CRADD: variants seen among roughly 807,000 people sequenced by gnomAD.
CRADD encodes the protein death domain-containing protein CRADD.
A neutral mutation model predicts 15.5 loss-of-function variants in CRADD; 9 were observed. The observed-to-expected ratio is 0.58, with a 90% CI of 0.35 to 1.01. The LOEUF (loss-of-function observed/expected upper bound fraction) is 1.01. Among genes scored for constraint, CRADD ranks in the 50% least tolerant of loss-of-function variants. The pLI, the probability that CRADD is intolerant of heterozygous loss-of-function variation, is 0.02. For synonymous variants in CRADD, 118 were observed against 107.6 expected (o/e 1.10, Z -0.60); for missense variants, 227 against 250.3 (o/e 0.91, Z 0.63).
chr12:93,884,891 A>T (rs752399967), intron 2 of CRADD, among the ~76,000 whole-genome samples: 1 of 152,198 alleles, frequency 6.6e-6, no homozygotes, highest in African/African-American at 2.4e-5. Context: ...ACCCGAATGC[A>T]TAGAGTGGGA....
intron 2 of CRADD, among the ~76,000 whole-genome samples, chr12:93,811,056 C>A (rs549181956): frequency 6.4e-4 from 98 of 152,274 alleles, no homozygotes; most frequent in African/African-American, 2.2e-3. Flanking sequence ...CTTAGCCCCC[C>A]CTCCTGGAAC....
Position 93,824,390 on chromosome 12 carries a change from T to G in CRADD, c.299-25580T>G, listed in dbSNP as rs368489667. Among the ~76,000 whole-genome samples the G allele has an allele frequency of 6.8e-6, 1 of 147,918 alleles. No individual in the cohort carries two copies. The highest frequency in any genetic ancestry group is 2.5e-5 in the African/African-American group (1 of 39,746). Reference sequence around the variant, plus strand: ...CCATAAAAGCTGCTTCTGTGCTCTTTGGAAAACACACACACACTCATACAC... The same window carrying G: ...CCATAAAAGCTGCTTCTGTGCTCTTGGGAAAACACACACACACTCATACAC... On this transcript the variant is annotated intron_variant, in intron 2 of 2. Transcript: ENST00000332896. The surrounding 1 kb of genome is among the most constrained non-coding windows in gnomAD (Gnocchi z 4.3).
chr12:93,770,376 C>T lies in CRADD; in HGVS notation c.299-79594C>T, dbSNP rs561377829. 3.3e-5 allele frequency among the ~76,000 whole-genome samples: 5 copies of T among 152,234 alleles called. No individual in the cohort carries two copies. In the East Asian group the frequency reaches 9.7e-4, roughly 29 times the overall value. ...CCTCCCAAAGTGCTGGGATTACAAG[C>T]GTGAGCCACCGCGCCCGGCCCCCTC... On this transcript the variant is annotated intron_variant, in intron 2 of 2. Coordinates refer to ENST00000332896, the MANE Select transcript of CRADD (RefSeq NM_003805.5).
At chr12:93,823,546 TTC>T (rs1957791883) in intron 2 of CRADD, among the ~76,000 whole-genome samples, 1 of 152,252 alleles carries the variant, frequency 6.6e-6, no homozygotes, top group Admixed American at 6.5e-5. Flanking sequence ...TGTTTTCTTT[TTC>T]TTTTAAGAAT....
chr12:93,798,783 G>A (rs1220214006), intron 2 of CRADD, among the ~76,000 whole-genome samples: 3 of 152,216 alleles, frequency 2.0e-5, no homozygotes, highest in Admixed American at 6.5e-5. Flanking sequence ...CCCTCCAGAT[G>A]TGCCTCTACT....
intron 2 of CRADD, among the ~76,000 whole-genome samples, chr12:93,882,541 A>C (rs117318127): frequency 1.3e-5 from 2 of 152,078 alleles, no homozygotes; most frequent in Admixed American, 1.3e-4. Flanking sequence ...AAATTTGTAT[A>C]TAAAAGATTT....
chr12:93,842,154 T>C (rs1384802573), intron 2 of CRADD, among the ~76,000 whole-genome samples: 1 of 152,200 alleles, frequency 6.6e-6, no homozygotes, highest in Non-Finnish European at 1.5e-5. Context: ...GCTTCTCAAC[T>C]GTGCTTTTGA....
At chr12:93,706,731 T>G (rs1955959317) in intron 2 of CRADD, among the ~76,000 whole-genome samples, 1 of 152,242 alleles carries the variant, frequency 6.6e-6, no homozygotes, top group South Asian at 2.1e-4. Context: ...GAGGACTATT[T>G]GCAATTGAGT....
At position 93,730,996 on chromosome 12, in the gene CRADD, G is replaced by T. The variant is rs113602472; in HGVS notation, c.298+51924G>T. 5.4e-3 allele frequency among the ~76,000 whole-genome samples: 815 copies of T among 152,198 alleles called. 5 individuals are homozygous for T. Among genetic ancestry groups the T allele is most frequent in the African/African-American group, 0.018 (765 of 41,530 alleles). On this transcript the variant is annotated intron_variant, in intron 2 of 2. Coordinates refer to ENST00000332896, the MANE Select transcript of CRADD (RefSeq NM_003805.5). ...GCCTCCCAAAGTGCTGGGATTATAGGTGTGAGCCACTGCACCCGGCTGACC... is the reference window on the plus strand; with the variant it reads ...GCCTCCCAAAGTGCTGGGATTATAGTTGTGAGCCACTGCACCCGGCTGACC...
At chr12:93,853,071 T>C (rs562984850), downstream of CRADD, among the ~76,000 whole-genome samples, 3 of 152,332 alleles carry the variant, frequency 2.0e-5, no homozygotes, top group African/African-American at 7.2e-5. Context: ...TGCCTGCATA[T>C]CCTTTTCATA....
rs112077751 is a variant in CRADD, at chr12:93,691,314, C to T, written c.298+12242C>T. On this transcript the variant is annotated intron_variant, in intron 2 of 2. Coordinates refer to ENST00000332896, the MANE Select transcript of CRADD (RefSeq NM_003805.5). ...CGTCGCCCAGGCTGGGGTGCAATGG[C>T]GCGATCCTGGCTCACTGCAACCTCC... 3.6e-3 allele frequency among the ~76,000 whole-genome samples: 545 copies of T among 150,680 alleles called. 1 individual carries two copies. Among genetic ancestry groups the T allele is most frequent in the African/African-American group, 0.013 (525 of 40,920 alleles).
At chr12:93,759,533 A>C (rs1452597744) in intron 2 of CRADD, among the ~76,000 whole-genome samples, 13 of 152,058 alleles carry the variant, frequency 8.5e-5, no homozygotes. Flanking sequence ...CTGTTTGACT[A>C]TTTTGAAATC....
chr12:93,872,350 G>T (rs367698096), intron 2 of CRADD, among the ~76,000 whole-genome samples: 15 of 152,174 alleles, frequency 9.9e-5, no homozygotes, highest in African/African-American at 3.1e-4. Context: ...CCCATTCTCT[G>T]GGTTGTCTCT....
At chr12:93,877,213 C>T (rs1046671913) in intron 2 of CRADD, among the ~76,000 whole-genome samples, 7 of 152,208 alleles carry the variant, frequency 4.6e-5, no homozygotes, top group African/African-American at 1.4e-4. Context: ...TGTAGCGACA[C>T]AAGAACCTCT....
chr12:93,751,917 T>G (rs1027765867), intron 2 of CRADD, among the ~76,000 whole-genome samples: 6 of 152,228 alleles, frequency 3.9e-5, no homozygotes, highest in Non-Finnish European at 7.3e-5. Flanking sequence ...AGGATAGCTC[T>G]GGAATTTGAA....
intron 2 of CRADD, among the ~76,000 whole-genome samples, chr12:93,839,665 T>C (rs768477402): frequency 5.9e-5 from 9 of 152,248 alleles, no homozygotes. Context: ...TACATTTGTT[T>C]CTTAAATTTC....
intron 2 of CRADD, among the ~76,000 whole-genome samples, chr12:93,692,917 AC>A (rs1484872776): frequency 6.6e-6 from 1 of 152,200 alleles, no homozygotes; most frequent in Non-Finnish European, 1.5e-5. Context: ...TATATACAAA[AC>A]AAAAAGACAT....
In CRADD at chr12:93,780,955, T is replaced by C. The variant is rs1957202918; in HGVS notation, c.299-69015T>C. Among the ~76,000 whole-genome samples the C allele has an allele frequency of 2.0e-5, 3 of 150,410 alleles. No individual in the cohort carries two copies. In the South Asian group the frequency reaches 6.3e-4, roughly 32 times the overall value. ...ATTTTTAGTAGAGACACGGTTTTGC[T>C]ATATTGGCCAGGCTGGTCTCGAACT... On this transcript the variant is annotated intron_variant, in intron 2 of 2. Transcript: ENST00000332896.
At chr12:93,799,996 G>A (rs1245124467) in intron 2 of CRADD, among the ~76,000 whole-genome samples, 1 of 152,112 alleles carries the variant, frequency 6.6e-6, no homozygotes, top group African/African-American at 2.4e-5. Context: ...CACTGTATTA[G>A]GGTTCTCCAG....
Sources: gnomAD v4.1 joint callset for allele counts (sites outside exome capture counted in the v4.1 genomes callset) on GRCh38, gnomAD v4.1.1 for gene constraint, Gnocchi (gnomAD v3.1) non-coding constraint, MANE v1.5 for transcripts, NCBI Gene and HGNC (gene_info 2026-07-23, HGNC 2026-07-21) for gene names.